Variants in CFAP210 observed in about 807,000 individuals in gnomAD.
CFAP210 encodes cilia- and flagella- associated protein 210.
At chr2:169,691,586 C>T in the CFAP210 span, among the ~76,000 whole-genome samples, 1 of 152,174 alleles carries the variant, frequency 6.6e-6, no homozygotes, top group Non-Finnish European at 1.5e-5. Flanking sequence ...CAGACTTCCA[C>T]AGAGCCAAAA....
At chr2:169,664,293 A>G in the CFAP210 span, among the ~76,000 whole-genome samples, 12 of 152,206 alleles carry the variant, frequency 7.9e-5, no homozygotes, top group Non-Finnish European at 1.5e-4. Context: ...ACTTTAAGGG[A>G]AAACAAGAAG....
the CFAP210 span, among the ~76,000 whole-genome samples, chr2:169,685,264 C>A: frequency 1.3e-5 from 2 of 152,186 alleles, no homozygotes; most frequent in Non-Finnish European, 2.9e-5. Context: ...ACATCCTTCC[C>A]AACAGTTATT....
chr2:169,650,525 T>C, the CFAP210 span: 4 of 1,521,120 alleles, frequency 2.6e-6, no homozygotes, highest in South Asian at 2.7e-5. Flanking sequence ...CATAAGCCTA[T>C]AACAAAATAA....
the CFAP210 span, among the ~76,000 whole-genome samples, chr2:169,661,559 G>A: frequency 1.3e-5 from 2 of 152,116 alleles, no homozygotes; most frequent in Admixed American, 6.5e-5. Flanking sequence ...GGTGAACTGC[G>A]ACAAAAATAT....
At chr2:169,680,882 AAT>A in the CFAP210 span, 1 of 721,248 alleles carries the variant, frequency 1.4e-6, no homozygotes, top group Admixed American at 2.6e-5. Flanking sequence ...CACTGTTGAA[AAT>A]ATGTTTCGAT....
chr2:169,657,884 CCAAT>C, the CFAP210 span, among the ~76,000 whole-genome samples: 6 of 152,060 alleles, frequency 3.9e-5, no homozygotes, highest in East Asian at 1.9e-4. Flanking sequence ...AATTCTATAA[CCAAT>C]CAAACTGTAA....
chr2:169,667,229 C>G, the CFAP210 span, among the ~76,000 whole-genome samples: 1 of 151,644 alleles, frequency 6.6e-6, no homozygotes, highest in East Asian at 1.9e-4. Context: ...ACCTCTGCCC[C>G]CCGGGTTCAA....
chr2:169,649,220 CTTT>C, the CFAP210 span: 554 of 1,613,216 alleles, frequency 3.4e-4, 7 homozygotes, highest in South Asian at 5.8e-3. Flanking sequence ...TCTTGATGTT[CTTT>C]ATCAGCTTTG....
chr2:169,681,007 T>C, the CFAP210 span: 1 of 1,605,748 alleles, frequency 6.2e-7, no homozygotes, highest in South Asian at 1.1e-5. Context: ...TAATACTTAC[T>C]GCATATGTAT....
At chr2:169,683,880 C>G in the CFAP210 span, among the ~76,000 whole-genome samples, 1 of 152,068 alleles carries the variant, frequency 6.6e-6, no homozygotes, top group Non-Finnish European at 1.5e-5. Context: ...AAAAAAAAGC[C>G]CACAGAAAGC....
chr2:169,654,087 G>A, the CFAP210 span: 1 of 1,609,316 alleles, frequency 6.2e-7, no homozygotes, highest in Non-Finnish European at 8.5e-7. Flanking sequence ...GTGTGTTTCA[G>A]CCTCTTTTTC....
chr2:169,651,183 C>G, the CFAP210 span, among the ~76,000 whole-genome samples: 4 of 145,920 alleles, frequency 2.7e-5, no homozygotes, highest in East Asian at 8.2e-4. Flanking sequence ...GCCGAGATCA[C>G]ACCACTGCAC....
chr2:169,660,822 G>A, the CFAP210 span: 26,201 of 243,154 alleles, frequency 0.11, 1,779 homozygotes, highest in Middle Eastern at 0.16. Context: ...GGCTGGTCTC[G>A]AACTCCTGAG....
chr2:169,678,341 C>CAAAA, the CFAP210 span, among the ~76,000 whole-genome samples: 296 of 86,642 alleles, frequency 3.4e-3, no homozygotes, highest in East Asian at 0.01. Flanking sequence ...AACTCTGTTG[C>CAAAA]AAAAAAAAAA....
At chr2:169,689,135 G>A in the CFAP210 span, among the ~76,000 whole-genome samples, 4 of 152,238 alleles carry the variant, frequency 2.6e-5, no homozygotes, top group South Asian at 2.1e-4. Context: ...AGAATAGCAC[G>A]GGAAAGACTG....
the CFAP210 span, chr2:169,674,968 C>G: frequency 6.5e-7 from 1 of 1,546,450 alleles, no homozygotes. Flanking sequence ...TCTTCCAGAT[C>G]AAGAATTTGT....
the CFAP210 span, among the ~76,000 whole-genome samples, chr2:169,651,374 G>A: frequency 6.6e-6 from 1 of 152,026 alleles, no homozygotes; most frequent in Non-Finnish European, 1.5e-5. Flanking sequence ...CTGAGTGACA[G>A]AGTGAGACTC....
the CFAP210 span, among the ~76,000 whole-genome samples, chr2:169,651,408 T>G: frequency 1.3e-5 from 2 of 151,570 alleles, no homozygotes; most frequent in Admixed American, 6.6e-5. Context: ...GAAAAAAAAT[T>G]TTTTTTGAGA....
chr2:169,651,938 C>T, the CFAP210 span, among the ~76,000 whole-genome samples: 9 of 151,198 alleles, frequency 6.0e-5, no homozygotes, highest in Admixed American at 6.6e-5. Flanking sequence ...TCTCAAACTC[C>T]TGGCCTCAAG....
Sources: allele counts gnomAD v4.1 joint callset (sites outside exome capture counted in the v4.1 genomes callset), GRCh38; gene constraint gnomAD v4.1.1; transcripts MANE v1.5; gene names NCBI Gene and HGNC (gene_info 2026-07-23, HGNC 2026-07-21).